The following LDHB variants were observed in gnomAD, a reference collection of about 807,000 sequenced individuals.
The protein encoded by LDHB is L-lactate dehydrogenase B chain.
Under a neutral mutation model 33.4 loss-of-function variants are expected in LDHB, and 18 were observed. That is an observed-to-expected ratio of 0.54 (90% CI 0.37 to 0.80). The LOEUF (loss-of-function observed/expected upper bound fraction) is 0.80, where lower values mean the gene tolerates loss of function less well. LDHB is among the 30% of genes least tolerant of loss of function. The pLI is 0.00. For missense variants in LDHB, 345 were observed against 407.9 expected (o/e 0.85, Z 1.33); for synonymous variants, 121 against 140.6 (o/e 0.86, Z 0.98).
At chr12:21,640,219 C>T (rs915388185) in intron 5 of LDHB, among the ~76,000 whole-genome samples, 1 of 151,042 alleles carries the variant, frequency 6.6e-6, no homozygotes, top group Non-Finnish European at 1.5e-5. Flanking sequence ...ATCTATGAAA[C>T]AGAATCAAAA....
chr12:21,644,423 T>TC (rs1938457888), intron 3 of LDHB, among the ~76,000 whole-genome samples: 2 of 1,120 alleles, frequency 1.8e-3, no homozygotes, highest in Non-Finnish European at 5.0e-3. Context: ...TAGGTAGACA[T>TC]CAAAAAAAAA....
chr12:21,654,690 A>T lies in LDHB; in HGVS notation c.-6-13T>A. 6.2e-7 allele frequency: 1 copy of T among 1,605,856 alleles called. No individual in the cohort carries two copies. Among genetic ancestry groups the T allele is most frequent in the African/African-American group, 1.3e-5 (1 of 74,924 alleles). ...TTGCCATTTTGCACTGCAAGGAAAG[A>T]ATCAAAACATTACACGTATATCTGC... On this transcript the variant is annotated splice_polypyrimidine_tract_variant and intron_variant, in intron 1 of 7. Transcript: ENST00000350669.
chr12:21,657,160 A>G (rs535742705), intron 1 of LDHB: 3 of 152,340 alleles, frequency 2.0e-5, no homozygotes, highest in East Asian at 3.9e-4. Flanking sequence ...AAAGTAAACG[A>G]AGCCCCTAAG....
rs1379522145 is a variant in LDHB, at chr12:21,641,934, T to C, written c.595+18A>G. 2 of 1,590,598 alleles carry C rather than the reference T, an allele frequency of 1.3e-6. No homozygotes were observed. Among genetic ancestry groups the C allele is most frequent in the Non-Finnish European group, 1.7e-6 (2 of 1,164,808 alleles). ...AAAACCAACATCACAAGTAATTATT[T>C]CTTTTTTTTTTCTTTACCACTTGAG... On this transcript the variant is annotated intron_variant, in intron 5 of 7. Transcript: ENST00000350669.
Position 21,642,123 on chromosome 12 carries a change from C to T in LDHB, c.424G>A (p.Asp142Asn), listed in dbSNP as rs996098454. ...CIIIVVSNPV[D>N]ILTYVTWKLS... Reference sequence around the variant, plus strand: ...TTCCAGGTAACATACGTAAGAATGTCCACTAAAAATTTTGGAAATAATATA... The same window carrying T: ...TTCCAGGTAACATACGTAAGAATGTTCACTAAAAATTTTGGAAATAATATA... Residue 142 changes from aspartate (D) to asparagine (N), a missense_variant and splice_region_variant, in exon 5 of 8, where the codon GAC becomes AAC. Coordinates refer to ENST00000350669, the MANE Select transcript of LDHB (RefSeq NM_002300.8). 1.2e-6 allele frequency: 2 copies of T among 1,611,466 alleles called. No homozygotes were observed. The highest frequency in any genetic ancestry group is 2.7e-5 in the African/African-American group (2 of 74,788).
chr12:21,651,384 G>A (rs1236737931), intron 2 of LDHB, among the ~76,000 whole-genome samples: 1 of 152,220 alleles, frequency 6.6e-6, no homozygotes, highest in Admixed American at 6.5e-5. Flanking sequence ...ATGGGCTGCA[G>A]AGAGTGGGCA....
chr12:21,650,823 T>A (rs1240068871), intron 2 of LDHB, among the ~76,000 whole-genome samples: 1 of 152,230 alleles, frequency 6.6e-6, no homozygotes, highest in African/African-American at 2.4e-5. Flanking sequence ...ATAAAGTCTC[T>A]GCTGCCATGG....
At chr12:21,637,410 T>G (rs1214727826) in intron 6 of LDHB, 1 of 447,380 alleles carries the variant, frequency 2.2e-6, no homozygotes, top group East Asian at 3.7e-5. Flanking sequence ...TATAAATGCT[T>G]GATAACTTTA....
intron 5 of LDHB, among the ~76,000 whole-genome samples, chr12:21,639,977 T>C (rs957320271): frequency 6.6e-6 from 1 of 152,016 alleles, no homozygotes; most frequent in Non-Finnish European, 1.5e-5. Context: ...TTTACTAAAA[T>C]TGCATTTCAA....
At chr12:21,639,622 C>T (rs1938314250) in intron 5 of LDHB, among the ~76,000 whole-genome samples, 1 of 152,002 alleles carries the variant, frequency 6.6e-6, no homozygotes, top group African/African-American at 2.4e-5. Flanking sequence ...GTACTTTTTA[C>T]ATAGTACATA....
At chr12:21,646,035 A>G (rs1938518414) in intron 3 of LDHB, among the ~76,000 whole-genome samples, 1 of 151,820 alleles carries the variant, frequency 6.6e-6, no homozygotes, top group African/African-American at 2.4e-5. Context: ...AATGTGTAGA[A>G]GGTCTGTGGG....
At chr12:21,638,114 C>A (rs1938266090) in intron 6 of LDHB, among the ~76,000 whole-genome samples, 1 of 151,954 alleles carries the variant, frequency 6.6e-6, no homozygotes, top group African/African-American at 2.4e-5. Context: ...CTTGTTAATT[C>A]CACATTTTGC....
At chr12:21,647,943 C>T (rs1328874226) in intron 2 of LDHB, among the ~76,000 whole-genome samples, 2 of 152,028 alleles carry the variant, frequency 1.3e-5, no homozygotes, top group Admixed American at 6.6e-5. Context: ...TTGATCCACC[C>T]GCCCCGGCCT....
chr12:21,635,476 T>C lies in LDHB; in HGVS notation c.*66A>G. 2.3e-6 allele frequency: 3 copies of C among 1,331,478 alleles called. No homozygotes were observed. The highest frequency in any genetic ancestry group is 1.2e-5 in the South Asian group (1 of 85,392). The allele number at this position is 1,331,478 out of a possible 1,614,324, so 82.5% of individuals were successfully genotyped here. A position where few individuals can be genotyped will look rare whatever the true frequency, so the allele number is the denominator to read the frequency against. ...GCAAACTGTGATCCATGTACATGGATGAAAACTAAAGGCTCGAGTTAATCA... is the reference window on the plus strand; with the variant it reads ...GCAAACTGTGATCCATGTACATGGACGAAAACTAAAGGCTCGAGTTAATCA... On this transcript the variant is annotated 3_prime_UTR_variant, in exon 8 of 8. Transcript: ENST00000350669.
At chr12:21,642,573 G>A (rs1002587603) in intron 4 of LDHB, among the ~76,000 whole-genome samples, 13 of 151,732 alleles carry the variant, frequency 8.6e-5, no homozygotes, top group African/African-American at 2.9e-4. Context: ...AAATTTTTCT[G>A]GGCATGAGGT....
At chr12:21,646,868 T>C in intron 3 of LDHB, 31 bp downstream of exon 3, 1 of 1,269,410 alleles carries the variant, frequency 7.9e-7, no homozygotes, top group Non-Finnish European at 1.2e-6. Context: ...GAAAAAAATA[T>C]TAGATCACTT....
At chr12:21,652,662 T>C (rs1327519292) in intron 2 of LDHB, among the ~76,000 whole-genome samples, 2 of 152,102 alleles carry the variant, frequency 1.3e-5, no homozygotes, top group Non-Finnish European at 1.5e-5. Context: ...GATAGTTACC[T>C]AGTCAATTGA....
chr12:21,645,858 G>A (rs1337608992), intron 3 of LDHB, among the ~76,000 whole-genome samples: 2 of 152,060 alleles, frequency 1.3e-5, no homozygotes, highest in South Asian at 4.1e-4. Context: ...TTGTCTCCGT[G>A]TCTCTTTTCT....
Position 21,635,848 on chromosome 12 carries a change from C to T in LDHB, c.838-139G>A, listed in dbSNP as rs1005198660. On this transcript the variant is annotated intron_variant, in intron 7 of 7. Transcript: ENST00000350669. ...GAGCTATGACAGCGGTACTACTCTC[C>T]AGCCTGGGTGACAGAGCAAGAACTA... The T allele has an allele frequency of 2.7e-5, 20 of 742,130 alleles. No individual in the cohort carries two copies. In the Admixed American group the frequency reaches 2.8e-4, roughly 10 times the overall value. The allele number at this position is 742,130 out of a possible 1,614,324, so 46.0% of individuals were successfully genotyped here. A position where few individuals can be genotyped will look rare whatever the true frequency, so the allele number is the denominator to read the frequency against.
Sources: allele counts gnomAD v4.1 joint callset (sites outside exome capture counted in the v4.1 genomes callset), GRCh38; gene constraint gnomAD v4.1.1; transcripts MANE v1.5; gene names NCBI Gene and HGNC (gene_info 2026-07-23, HGNC 2026-07-21).